Variants in SLC26A3 observed in about 807,000 individuals in gnomAD.
SLC26A3 encodes the protein solute carrier family 26 member 3.
SLC26A3 carries 64 observed loss-of-function variants against 85.6 expected under a neutral mutation model. The ratio of observed to expected loss-of-function variants is 0.75; its 90% CI spans 0.61 to 0.92. The LOEUF (loss-of-function observed/expected upper bound fraction) is 0.92. Among genes scored for constraint, SLC26A3 ranks in the 40% least tolerant of loss-of-function variants. The pLI, the probability that SLC26A3 is intolerant of heterozygous loss-of-function variation, is 0.00. For synonymous variants in SLC26A3, 349 were observed against 336.0 expected, an observed-to-expected ratio of 1.04 and a Z score of -0.42; for missense variants, 922 against 927.3, an observed-to-expected ratio of 0.99 and a Z score of 0.07.
chr7:107,767,621 A>G lies in SLC26A3; in HGVS notation c.2229T>C (p.Phe743=), dbSNP rs1481395125. ...PSQEKDGKID[F]TINTNGGLRN... ...GTAATCCTCCATTTGTATTTATGGT[A>G]AAATCAATTTTTCCATCTTTTTCCT... Residue 743 remains phenylalanine (F), a synonymous_variant, in exon 20 of 21, where the codon TTT becomes TTC. Coordinates refer to ENST00000340010, the MANE Select transcript of SLC26A3 (RefSeq NM_000111.3). 2.5e-6 allele frequency: 4 copies of G among 1,610,844 alleles called. No individual in the cohort carries two copies. Among genetic ancestry groups the G allele is most frequent in the Non-Finnish European group, 2.5e-6 (3 of 1,177,244 alleles).
intron 3 of SLC26A3, 42 bp downstream of exon 3, chr7:107,793,700 A>C: frequency 6.9e-7 from 1 of 1,458,342 alleles, no homozygotes; most frequent in South Asian, 1.2e-5. Flanking sequence ...ATTCAGAGGA[A>C]GAATTTTATT....
chr7:107,788,020 C>G (rs3801939), intron 6 of SLC26A3, among the ~76,000 whole-genome samples: 2 of 152,314 alleles, frequency 1.3e-5, no homozygotes, highest in East Asian at 3.9e-4. Context: ...TAACTGTGCA[C>G]TATGCATGTG....
At position 107,772,054 on chromosome 7, in the gene SLC26A3, C is replaced by G. The variant is rs191547831; in HGVS notation, c.2062G>C (p.Asp688His). 758 of 1,610,552 alleles carry G rather than the reference C, an allele frequency of 4.7e-4. 5 individuals carry two copies. The highest frequency in any genetic ancestry group is 1.7e-4 in the Middle Eastern group (1 of 6,048). The change falls in exon 18 of 21, where the codon GAT becomes CAT. Residue 688 changes from aspartate to histidine, a missense_variant and splice_region_variant. Transcript: ENST00000340010. Reference sequence around the variant, plus strand: ...ATAAAACAAAAATAAAGCCACTTACCATCAGTTCCAACGATATACACATCT... The same window carrying G: ...ATAAAACAAAAATAAAGCCACTTACGATCAGTTCCAACGATATACACATCT... ...KVDVYIVGTD[D>H]DFIEKLNRYE...
At chr7:107,773,587 C>G in intron 17 of SLC26A3, among the ~76,000 whole-genome samples, 1 of 152,194 alleles carries the variant, frequency 6.6e-6, no homozygotes, top group East Asian at 1.9e-4. Context: ...GACAGAGTCT[C>G]ACTGTATTGC....
In SLC26A3 at chr7:107,778,360, C is replaced by CTTTTTTTTTTTTTTTTT. The variant is rs10681903; in HGVS notation, c.1408-96_1408-80dup. 240 of 464,878 alleles carry CTTTTTTTTTTTTTTTTT rather than the reference C, an allele frequency of 5.2e-4. 12 individuals carry two copies. The highest frequency in any genetic ancestry group is 4.8e-3 in the African/African-American group (149 of 30,878). 28.8% of individuals were successfully genotyped at this position (464,878 alleles called of 1,614,324 possible). ...GTCGAGACGGGGTCTTTTAAAAAGACTTTTTTTTTTTTTTTTTGTAGCGAC... is the reference window on the plus strand; with the variant it reads ...GTCGAGACGGGGTCTTTTAAAAAGACTTTTTTTTTTTTTTTTTTTTTTTTTTTTTTTTTTGTAGCGAC... On this transcript the variant is annotated intron_variant, in intron 12 of 20. Transcript: ENST00000340010.
At position 107,791,953 on chromosome 7, in the gene SLC26A3, A is replaced by G; in HGVS notation, c.272-13T>C. On this transcript the variant is annotated splice_polypyrimidine_tract_variant and intron_variant, in intron 3 of 20. Coordinates refer to ENST00000340010, the MANE Select transcript of SLC26A3 (RefSeq NM_000111.3). ...GCAAATGCTAAACCTGTAAACACAC[A>G]AGCAGCAGAGCCCTTACTCTGTGCA... 3 of 1,476,448 alleles carry G rather than the reference A, an allele frequency of 2.0e-6. No individual in the cohort carries two copies. The highest frequency in any genetic ancestry group is 2.8e-6 in the Non-Finnish European group (3 of 1,055,040). 91.5% of individuals were successfully genotyped at this position (1,476,448 alleles called of 1,614,324 possible).
intron 16 of SLC26A3, among the ~76,000 whole-genome samples, chr7:107,774,459 T>A (rs1584402686): frequency 6.6e-6 from 1 of 152,224 alleles, no homozygotes; most frequent in East Asian, 1.9e-4. Context: ...GAGGCTGAGG[T>A]GGGAGGGTCG....
intron 16 of SLC26A3, among the ~76,000 whole-genome samples, 168 bp downstream of exon 16, chr7:107,774,609 A>G (rs1794080651): frequency 6.6e-6 from 1 of 152,210 alleles, no homozygotes; most frequent in East Asian, 1.9e-4. Flanking sequence ...GGAGAATAAA[A>G]ATTTTAGGGA....
chr7:107,770,548 G>A (rs148660803), intron 18 of SLC26A3, among the ~76,000 whole-genome samples: 142 of 151,924 alleles, frequency 9.3e-4, no homozygotes, highest in African/African-American at 2.7e-3. Context: ...ATGAGCCACC[G>A]CTCCCAGCCT....
At chr7:107,766,014 A>G in intron 20 of SLC26A3, 136 bp from the exon 21 acceptor site, 4 of 715,126 alleles carry the variant, frequency 5.6e-6, no homozygotes, top group Non-Finnish European at 1.0e-5. Context: ...AGTACCTTCC[A>G]TCACTGCTTG....
At chr7:107,784,176 T>C (rs988407052) in intron 8 of SLC26A3, among the ~76,000 whole-genome samples, 1 of 152,232 alleles carries the variant, frequency 6.6e-6, no homozygotes, top group African/African-American at 2.4e-5. Flanking sequence ...GTAATACATT[T>C]TTATCTCTAA....
At chr7:107,766,866 CTG>C (rs1793925232) in intron 20 of SLC26A3, among the ~76,000 whole-genome samples, 1 of 150,982 alleles carries the variant, frequency 6.6e-6, no homozygotes, top group Non-Finnish European at 1.5e-5. Flanking sequence ...GTTAAGCTCT[CTG>C]AGCCTGTTTC....
intron 18 of SLC26A3, among the ~76,000 whole-genome samples, chr7:107,769,993 C>CTT (rs1331939085): frequency 1.7e-5 from 2 of 115,968 alleles, no homozygotes; most frequent in Admixed American, 9.1e-5. Flanking sequence ...TCCTTCCTTC[C>CTT]TTTTTTCTCT....
chr7:107,801,737 A>C (rs1238759219), intron 1 of SLC26A3, among the ~76,000 whole-genome samples: 2 of 151,868 alleles, frequency 1.3e-5, no homozygotes, highest in East Asian at 3.9e-4. Context: ...GTGTTACCCC[A>C]TTTTTCTTGT....
In SLC26A3 at chr7:107,765,598, G is replaced by A; in HGVS notation, c.*257C>T. 1 of 437,668 alleles carries A rather than the reference G, an allele frequency of 2.3e-6. No homozygotes were observed. The highest frequency in any genetic ancestry group is 4.1e-6 in the Non-Finnish European group (1 of 243,774). 27.1% of individuals were successfully genotyped at this position (437,668 alleles called of 1,614,324 possible). The stretch of plus-strand genomic sequence containing the variant: ...TAGTGACTAGGATGGAAATCTGTCA[G>A]TGCTACAAAAATATGTATGAACAAA... On this transcript the variant is annotated 3_prime_UTR_variant, in exon 21 of 21. Coordinates refer to ENST00000340010, the MANE Select transcript of SLC26A3 (RefSeq NM_000111.3).
chr7:107,780,765 T>C (rs942153669), intron 11 of SLC26A3, among the ~76,000 whole-genome samples: 4 of 152,172 alleles, frequency 2.6e-5, no homozygotes, highest in African/African-American at 4.8e-5. Context: ...TTAGAAGAAA[T>C]ATGGTCTTAA....
intron 11 of SLC26A3, 85 bp from the exon 12 acceptor site, chr7:107,779,848 G>C: frequency 8.8e-7 from 1 of 1,131,392 alleles, no homozygotes; most frequent in Non-Finnish European, 1.3e-6. Context: ...AGATAAGTGT[G>C]TGCTTTAAAG....
At position 107,791,133 on chromosome 7, in the gene SLC26A3, T is replaced by C. The variant is rs749565848; in HGVS notation, c.485A>G (p.Asn162Ser). The C allele has an allele frequency of 3.1e-6, 5 of 1,613,974 alleles. No individual in the cohort carries two copies. The Admixed American group carries it at 6.7e-5, about 22-fold the overall frequency. The change falls in exon 5 of 21, where the codon AAC becomes AGC. Residue 162 changes from asparagine (N) to serine (S), a missense_variant. Coordinates refer to ENST00000340010, the MANE Select transcript of SLC26A3 (RefSeq NM_000111.3). ...RNATTLGLPN[N>S]SNNSSLLDDE... Reference sequence around the variant, plus strand: ...ATCCAGTAGTGAAGAATTATTCGAGTTGTTAGGCAATCCCAAAGTAGTTGC... The same window carrying C: ...ATCCAGTAGTGAAGAATTATTCGAGCTGTTAGGCAATCCCAAAGTAGTTGC...
intron 3 of SLC26A3, 67 bp downstream of exon 3, chr7:107,793,675 C>T (rs1794442516): frequency 8.0e-7 from 1 of 1,253,278 alleles, no homozygotes. Flanking sequence ...TACGAAAAGT[C>T]CCTGAGCTGT....
Sources: gnomAD v4.1 joint callset for allele counts (sites outside exome capture counted in the v4.1 genomes callset) on GRCh38, gnomAD v4.1.1 for gene constraint, MANE v1.5 for transcripts, NCBI Gene and HGNC (gene_info 2026-07-23, HGNC 2026-07-21) for gene names.